Variants in NSG2 observed in about 807,000 individuals in gnomAD.
NSG2 encodes neuronal vesicle trafficking associated 2.
In NSG2, 4 loss-of-function variants were observed where a neutral mutation model predicts 16.9. The ratio of observed to expected loss-of-function variants is 0.24; its 90% CI spans 0.12 to 0.54. The LOEUF (loss-of-function observed/expected upper bound fraction) is 0.54. NSG2 is among the 20% of genes least tolerant of loss of function. The probability of loss-of-function intolerance (pLI) is 0.95; values close to 1 mark genes in which losing one functional copy is unlikely to be tolerated. For missense variants in NSG2, 179 were observed against 221.1 expected, an observed-to-expected ratio of 0.81 and a Z score of 1.21; for synonymous variants, 98 against 88.7, an observed-to-expected ratio of 1.11 and a Z score of -0.59.
chr5:174,071,642 T>C (rs547249991), intron 3 of NSG2, among the ~76,000 whole-genome samples: 17 of 152,320 alleles, frequency 1.1e-4, no homozygotes, highest in Admixed American at 9.1e-4. Context: ...TTCCACTCTT[T>C]GGGCTCCTGC....
intron 2 of NSG2, among the ~76,000 whole-genome samples, chr5:174,061,023 A>C (rs1760041289): frequency 6.6e-6 from 1 of 152,164 alleles, no homozygotes; most frequent in South Asian, 2.1e-4. Context: ...TTGGAGCCAA[A>C]TTAGAATGCT....
chr5:174,092,398 A>C (rs991321073), intron 3 of NSG2, among the ~76,000 whole-genome samples: 39 of 152,202 alleles, frequency 2.6e-4, no homozygotes, highest in Admixed American at 1.7e-3. Flanking sequence ...ATTAATATGA[A>C]TCATCAGCAA....
intron 3 of NSG2, among the ~76,000 whole-genome samples, chr5:174,069,274 G>A (rs1207623873): frequency 6.6e-6 from 1 of 152,182 alleles, no homozygotes; most frequent in Non-Finnish European, 1.5e-5. Context: ...TGGTGCTATG[G>A]AAGATGCTGG....
intron 3 of NSG2, among the ~76,000 whole-genome samples, chr5:174,065,885 A>G (rs1205735340): frequency 1.3e-5 from 2 of 152,232 alleles, no homozygotes; most frequent in Non-Finnish European, 2.9e-5. Flanking sequence ...GATGAAGTAC[A>G]AAGTACCTGC....
chr5:174,106,335 T>C (rs1398005290), intron 4 of NSG2, among the ~76,000 whole-genome samples: 1 of 152,122 alleles, frequency 6.6e-6, no homozygotes, highest in Non-Finnish European at 1.5e-5. Context: ...CTATATCAAG[T>C]TAAGGACATA....
At chr5:174,067,371 A>G (rs1056239155) in intron 3 of NSG2, among the ~76,000 whole-genome samples, 2 of 152,194 alleles carry the variant, frequency 1.3e-5, no homozygotes, top group African/African-American at 2.4e-5. Flanking sequence ...TGCCTGCAGT[A>G]GGTAACTGCT....
chr5:174,066,874 C>T (rs1399350214), intron 3 of NSG2, among the ~76,000 whole-genome samples: 2 of 149,656 alleles, frequency 1.3e-5, no homozygotes, highest in East Asian at 3.9e-4. Context: ...CCTGTAGTCC[C>T]AGCTACTTGG....
intron 4 of NSG2, among the ~76,000 whole-genome samples, chr5:174,105,729 C>T (rs774872163): frequency 3.3e-5 from 5 of 152,128 alleles, no homozygotes; most frequent in Non-Finnish European, 7.4e-5. Flanking sequence ...GGAGAAACCC[C>T]GTCTCTACTA....
chr5:174,061,793 T>C (rs929128541), intron 2 of NSG2, among the ~76,000 whole-genome samples: 1 of 151,930 alleles, frequency 6.6e-6, no homozygotes, highest in Non-Finnish European at 1.5e-5. Context: ...TTAGTAAATA[T>C]GGGGTTTCAC....
At chr5:174,053,641 G>A (rs897232390) in intron 2 of NSG2, among the ~76,000 whole-genome samples, 5 of 152,288 alleles carry the variant, frequency 3.3e-5, no homozygotes, top group African/African-American at 4.8e-5. Context: ...GAGATGAATT[G>A]TAAATCATCT....
intron 2 of NSG2, among the ~76,000 whole-genome samples, chr5:174,049,315 G>A (rs923607210): frequency 4.6e-5 from 7 of 152,146 alleles, no homozygotes; most frequent in Admixed American, 2.6e-4. Flanking sequence ...ACTCCAGCCT[G>A]GGCGACAGAG....
intron 2 of NSG2, among the ~76,000 whole-genome samples, chr5:174,050,682 C>T (rs1389577967): frequency 6.6e-6 from 1 of 152,134 alleles, no homozygotes; most frequent in Non-Finnish European, 1.5e-5. Context: ...CCATGGCTGC[C>T]CCTTGAGCCC....
rs1759786761 is a variant in NSG2 at position 174,045,847 on chromosome 5, A to G, written c.-23+4A>G. The G allele has an allele frequency of 6.6e-6, 1 of 152,382 alleles. No individual in the cohort carries two copies. Among genetic ancestry groups the G allele is most frequent in the South Asian group, 2.1e-4 (1 of 4,832 alleles). 9.4% of individuals were successfully genotyped at this position (152,382 alleles called of 1,614,324 possible). On this transcript the variant is annotated splice_donor_region_variant and intron_variant, in intron 1 of 4. Coordinates refer to ENST00000303177, the MANE Select transcript of NSG2 (RefSeq NM_015980.5). ...GACCCCCCACGAGTGCAGCACAGTA[A>G]GTAGGCATTTGTTTTTGCTATAACC...
chr5:174,104,246 C>T lies in NSG2; in HGVS notation c.232C>T (p.Leu78=). Residue 78 remains leucine (L), a synonymous_variant, in exon 4 of 5, where the codon CTG becomes TTG. Transcript: ENST00000303177. Reference sequence around the variant, plus strand: ...CCTCCAGGTCACCATCCTTGTCAGCCTGGCCCTAGCTTTCCTTGCGTGCAT... The same window carrying T: ...CCTCCAGGTCACCATCCTTGTCAGCTTGGCCCTAGCTTTCCTTGCGTGCAT... The part of the protein sequence containing the change: ...AEFTVTILVS[L]ALAFLACIVF... The T allele has an allele frequency of 1.2e-6, 2 of 1,614,076 alleles. No individual in the cohort carries two copies. The highest frequency in any genetic ancestry group is 2.2e-5 in the South Asian group (2 of 91,068).
chr5:174,057,290 G>A (rs1485447444), intron 2 of NSG2, among the ~76,000 whole-genome samples: 6 of 152,196 alleles, frequency 3.9e-5, no homozygotes, highest in African/African-American at 9.6e-5. Flanking sequence ...ATGTCTAGAA[G>A]AGAGGCTTTC....
chr5:174,082,808 A>T (rs1277348182), intron 3 of NSG2, among the ~76,000 whole-genome samples: 1 of 152,150 alleles, frequency 6.6e-6, no homozygotes, highest in Non-Finnish European at 1.5e-5. Flanking sequence ...TCAAGTCTAG[A>T]TTATTTTTAG....
intron 3 of NSG2, among the ~76,000 whole-genome samples, chr5:174,083,341 A>AT (rs1265107545): frequency 3.3e-5 from 5 of 152,198 alleles, no homozygotes; most frequent in African/African-American, 1.2e-4. Context: ...CATTTTCTCC[A>AT]TTTTAGTTCT....
chr5:174,086,051 A>AT (rs1284074251), intron 3 of NSG2, among the ~76,000 whole-genome samples: 1 of 151,814 alleles, frequency 6.6e-6, no homozygotes, highest in African/African-American at 2.4e-5. Context: ...ATATTTGGAG[A>AT]TTTTTTGTGG....
chr5:174,060,327 A>C (rs1418857679), intron 2 of NSG2, among the ~76,000 whole-genome samples: 1 of 152,138 alleles, frequency 6.6e-6, no homozygotes, highest in Non-Finnish European at 1.5e-5. Context: ...ATGTTTATAA[A>C]AATAGAGAGG....
Sources: allele counts gnomAD v4.1 joint callset (sites outside exome capture counted in the v4.1 genomes callset), GRCh38; gene constraint gnomAD v4.1.1; transcripts MANE v1.5; gene names NCBI Gene and HGNC (gene_info 2026-07-23, HGNC 2026-07-21).